The following KCNQ5 variants were observed in gnomAD, a reference collection of about 807,000 sequenced individuals.
The protein encoded by KCNQ5 is potassium voltage-gated channel subfamily Q member 5.
In KCNQ5, 30 loss-of-function variants were observed where a neutral mutation model predicts 98.2. The observed-to-expected ratio is 0.31, with a 90% CI of 0.23 to 0.41. KCNQ5 has a LOEUF of 0.41. Among genes scored for constraint, KCNQ5 ranks in the 10% least tolerant of loss-of-function variants. The pLI, the probability that KCNQ5 is intolerant of heterozygous loss-of-function variation, is 1.00. For synonymous variants in KCNQ5, 458 were observed against 449.4 expected (o/e 1.02, Z -0.24); for missense variants, 835 against 1,182.5 (o/e 0.71, Z 4.31).
At chr6:72,662,000 A>AT (rs1766554554) in intron 1 of KCNQ5, among the ~76,000 whole-genome samples, 1 of 152,060 alleles carries the variant, frequency 6.6e-6, no homozygotes, top group Non-Finnish European at 1.5e-5. Flanking sequence ...ATGCTTTCCC[A>AT]TACAACCCAT....
At chr6:72,915,859 A>G (rs1047904789) in intron 1 of KCNQ5, among the ~76,000 whole-genome samples, 26 of 152,230 alleles carry the variant, frequency 1.7e-4, no homozygotes, top group African/African-American at 6.3e-4. Context: ...ATATTAACAC[A>G]TAAAAATAAA....
intron 1 of KCNQ5, among the ~76,000 whole-genome samples, chr6:72,744,518 A>G (rs1292753236): frequency 6.6e-6 from 1 of 152,190 alleles, no homozygotes; most frequent in Non-Finnish European, 1.5e-5. Flanking sequence ...AAATAGAAAA[A>G]GTGGTAAGAG....
Position 73,046,606 on chromosome 6 carries a change from T to C in KCNQ5, c.616+4544T>C, listed in dbSNP as rs937525474. ...TTATTTTATTTTACTTTACTTTATTTTATTCTATTTTATTTTATTTTATTT... is the reference window on the plus strand; with the variant it reads ...TTATTTTATTTTACTTTACTTTATTCTATTCTATTTTATTTTATTTTATTT... On this transcript the variant is annotated intron_variant, in intron 3 of 13. Transcript: ENST00000370398. Among the ~76,000 whole-genome samples, 272 of 139,902 alleles carry C rather than the reference T, an allele frequency of 1.9e-3. 2 individuals are homozygous for C. Among genetic ancestry groups the C allele is most frequent in the African/African-American group, 6.6e-3 (242 of 36,784 alleles). 91.8% of individuals were successfully genotyped at this position (139,902 alleles called of 152,430 possible).
At chr6:72,904,328 T>C (rs1158127075) in intron 1 of KCNQ5, among the ~76,000 whole-genome samples, 1 of 152,222 alleles carries the variant, frequency 6.6e-6, no homozygotes, top group Non-Finnish European at 1.5e-5. Context: ...ATCTTTTAAG[T>C]GGAGCATTTA....
intron 1 of KCNQ5, among the ~76,000 whole-genome samples, chr6:72,865,523 G>A (rs1380081476): frequency 6.6e-6 from 1 of 152,016 alleles, no homozygotes; most frequent in African/African-American, 2.4e-5. Context: ...TTATCTCTTT[G>A]ACAGGCTAAT....
intron 1 of KCNQ5, among the ~76,000 whole-genome samples, chr6:72,723,666 C>A (rs1024284968): frequency 6.6e-6 from 1 of 151,836 alleles, no homozygotes; most frequent in African/African-American, 2.4e-5. Context: ...TCCTTTCTTT[C>A]TTTCATCACA....
At chr6:72,729,875 T>C (rs1172263623) in intron 1 of KCNQ5, among the ~76,000 whole-genome samples, 2 of 152,222 alleles carry the variant, frequency 1.3e-5, no homozygotes, top group African/African-American at 4.8e-5. Context: ...TCAGTAGATA[T>C]TAGGGCTAGG....
intron 1 of KCNQ5, among the ~76,000 whole-genome samples, chr6:72,900,114 G>C (rs912255455): frequency 6.6e-6 from 1 of 152,082 alleles, no homozygotes; most frequent in Non-Finnish European, 1.5e-5. Flanking sequence ...GGGATTACAG[G>C]CGTCAGCCAC....
intron 1 of KCNQ5, among the ~76,000 whole-genome samples, chr6:72,702,915 T>C (rs920657653): frequency 1.3e-5 from 2 of 152,208 alleles, no homozygotes; most frequent in Non-Finnish European, 2.9e-5. Context: ...TACTAATCTT[T>C]ATCTTCCTCT....
intron 1 of KCNQ5, among the ~76,000 whole-genome samples, chr6:72,789,044 G>A (rs777230387): frequency 1.3e-5 from 2 of 152,146 alleles, no homozygotes; most frequent in African/African-American, 2.4e-5. Context: ...CTTTCTGATG[G>A]TGGAGCCAAA....
chr6:72,893,310 A>G (rs1344301078), intron 1 of KCNQ5, among the ~76,000 whole-genome samples: 1 of 152,056 alleles, frequency 6.6e-6, no homozygotes, highest in Non-Finnish European at 1.5e-5. Flanking sequence ...CTAATTCTAG[A>G]TATTTTTTTC....
chr6:72,770,549 T>A (rs1231648496), intron 1 of KCNQ5, among the ~76,000 whole-genome samples: 1 of 152,142 alleles, frequency 6.6e-6, no homozygotes, highest in African/African-American at 2.4e-5. Context: ...TAAGATGACC[T>A]GAATCACACA....
At chr6:72,977,779 C>A (rs960015800) in intron 1 of KCNQ5, among the ~76,000 whole-genome samples, 3 of 152,186 alleles carry the variant, frequency 2.0e-5, no homozygotes, top group Non-Finnish European at 4.4e-5. Context: ...CACTTTCAAA[C>A]ACAGTATGCA....
chr6:72,941,315 TC>T lies in KCNQ5; in HGVS notation c.399-62591del, dbSNP rs1434943333. On this transcript the variant is annotated intron_variant, in intron 1 of 13. Coordinates refer to ENST00000370398, the MANE Select transcript of KCNQ5 (RefSeq NM_019842.4). ...GCCCTGCTCATCTTCCTTCCTTCCT[TC>T]CTTCTTTCCTTCCTTCCTTCCTTCC... Among the ~76,000 whole-genome samples the T allele has an allele frequency of 3.5e-3, 347 of 100,322 alleles. 1 individual carries two copies. The highest frequency in any genetic ancestry group is 6.7e-3 in the South Asian group (15 of 2,240). The allele number at this position is 100,322 out of a possible 152,430, so 65.8% of individuals were successfully genotyped here. A position where few individuals can be genotyped will look rare whatever the true frequency, so the allele number is the denominator to read the frequency against.
At chr6:73,157,205 T>A (rs914840425) in intron 10 of KCNQ5, among the ~76,000 whole-genome samples, 1 of 152,178 alleles carries the variant, frequency 6.6e-6, no homozygotes, top group Non-Finnish European at 1.5e-5. Flanking sequence ...GAAGCAAAGT[T>A]GGGTGGGAGG....
intron 10 of KCNQ5, among the ~76,000 whole-genome samples, chr6:73,154,276 C>G (rs1483883940): frequency 3.3e-5 from 5 of 152,026 alleles, no homozygotes; most frequent in African/African-American, 1.2e-4. Flanking sequence ...AGCTATTACT[C>G]CAAATCTCCT....
chr6:72,961,064 G>A (rs1428579393), intron 1 of KCNQ5, among the ~76,000 whole-genome samples: 1 of 152,206 alleles, frequency 6.6e-6, no homozygotes, highest in East Asian at 1.9e-4. Flanking sequence ...GAGCCCAGGA[G>A]TTTGAGACCA....
intron 9 of KCNQ5, among the ~76,000 whole-genome samples, chr6:73,133,111 T>C (rs1766506319): frequency 6.6e-6 from 1 of 152,212 alleles, no homozygotes; most frequent in Non-Finnish European, 1.5e-5. Context: ...GTTTTTCAAG[T>C]GAATTCCAAA....
intron 10 of KCNQ5, among the ~76,000 whole-genome samples, chr6:73,149,787 A>G (rs566119117): frequency 4.3e-5 from 6 of 138,066 alleles, no homozygotes; most frequent in African/African-American, 1.6e-4. Flanking sequence ...ACAGTGGGAG[A>G]CTCCGAAAAA....
Sources: allele counts gnomAD v4.1 joint callset (sites outside exome capture counted in the v4.1 genomes callset), GRCh38; gene constraint gnomAD v4.1.1; transcripts MANE v1.5; gene names NCBI Gene and HGNC (gene_info 2026-07-23, HGNC 2026-07-21).